GRID2: variants seen among roughly 807,000 people sequenced by gnomAD.
GRID2 encodes the protein glutamate ionotropic receptor delta type subunit 2.
In GRID2, 33 loss-of-function variants were observed where a neutral mutation model predicts 114.8. The ratio of observed to expected loss-of-function variants is 0.29; its 90% CI spans 0.22 to 0.38. The LOEUF is 0.38. GRID2 is among the 10% of genes least tolerant of loss of function. GRID2 has a pLI of 1.00. For synonymous variants in GRID2, 505 were observed against 449.9 expected, an observed-to-expected ratio of 1.12 and a Z score of -1.55; for missense variants, 1,184 against 1,257.7, an observed-to-expected ratio of 0.94 and a Z score of 0.89.
intron 10 of GRID2, among the ~76,000 whole-genome samples, chr4:93,443,899 T>C (rs1284783731): frequency 6.6e-6 from 1 of 151,192 alleles, no homozygotes; most frequent in East Asian, 2.0e-4. Flanking sequence ...AGCAAGTAAG[T>C]TGAGAGAGAG....
At chr4:92,992,109 C>A (rs949573105) in intron 2 of GRID2, among the ~76,000 whole-genome samples, 11 of 152,082 alleles carry the variant, frequency 7.2e-5, no homozygotes, top group Non-Finnish European at 1.6e-4. Flanking sequence ...TAGAAGAAGG[C>A]AAACCCAGTT....
At chr4:93,052,780 C>T in intron 2 of GRID2, among the ~76,000 whole-genome samples, 1 of 151,950 alleles carries the variant, frequency 6.6e-6, no homozygotes, top group Middle Eastern at 3.4e-3. Context: ...CTTGGCAGCC[C>T]TCATCAGATA....
At chr4:92,686,411 A>G (rs1370779039) in intron 2 of GRID2, among the ~76,000 whole-genome samples, 1 of 152,070 alleles carries the variant, frequency 6.6e-6, no homozygotes, top group African/African-American at 2.4e-5. Flanking sequence ...CTTAGTAGAC[A>G]TTTTTATATA....
chr4:93,770,360 C>T (rs1734010175), intron 15 of GRID2, among the ~76,000 whole-genome samples: 2 of 152,326 alleles, frequency 1.3e-5, no homozygotes, highest in East Asian at 1.9e-4. Flanking sequence ...GGCTGACTAA[C>T]TGATGCCTGA....
At chr4:93,581,871 T>C (rs1249838505) in intron 13 of GRID2, among the ~76,000 whole-genome samples, 2 of 152,180 alleles carry the variant, frequency 1.3e-5, no homozygotes, top group Non-Finnish European at 2.9e-5. Context: ...GAACTCCTGT[T>C]TTTAAAGAGA....
At chr4:92,643,166 A>G (rs367924375) in intron 2 of GRID2, among the ~76,000 whole-genome samples, 1 of 151,802 alleles carries the variant, frequency 6.6e-6, no homozygotes, top group Non-Finnish European at 1.5e-5. Flanking sequence ...TAGGTATAAC[A>G]TTGAATATGT....
chr4:92,956,018 C>G (rs1395718819), intron 2 of GRID2, among the ~76,000 whole-genome samples: 4 of 152,144 alleles, frequency 2.6e-5, no homozygotes, highest in Non-Finnish European at 4.4e-5. Context: ...TGCGCCTGGA[C>G]TTTCTGGAGC....
intron 1 of GRID2, among the ~76,000 whole-genome samples, chr4:92,440,498 G>A (rs1231753350): frequency 6.6e-6 from 1 of 152,022 alleles, no homozygotes; most frequent in East Asian, 1.9e-4. Context: ...GTCCTGGGTG[G>A]GGCAAATCCT....
intron 8 of GRID2, among the ~76,000 whole-genome samples, chr4:93,348,128 A>G (rs868776764): frequency 1.1e-4 from 16 of 152,274 alleles, no homozygotes; most frequent in Middle Eastern, 3.4e-3. Flanking sequence ...GAAGACTGGC[A>G]TTTTGGCTGT....
At chr4:92,514,872 T>C (rs77139183) in intron 1 of GRID2, among the ~76,000 whole-genome samples, 2,742 of 151,952 alleles carry the variant, frequency 0.018, 92 homozygotes, top group African/African-American at 0.063. Context: ...GCAGCCATGC[T>C]CTAAGTTGGT....
chr4:92,474,443 C>T lies in GRID2; in HGVS notation c.89-115688C>T, dbSNP rs146667618. On this transcript the variant is annotated intron_variant, in intron 1 of 15. Transcript: ENST00000282020. ...ACTGATGAACACAAGGTTGATTCCA[C>T]ATTTTAGGTATTGTGAATAAAGCTG... Among the ~76,000 whole-genome samples the T allele has an allele frequency of 6.3e-4, 96 of 152,200 alleles. 1 individual carries two copies. The highest frequency in any genetic ancestry group is 1.2e-3 in the Non-Finnish European group (83 of 67,968).
intron 2 of GRID2, among the ~76,000 whole-genome samples, chr4:92,638,190 C>T (rs1457296148): frequency 6.6e-6 from 1 of 151,510 alleles, no homozygotes; most frequent in Non-Finnish European, 1.5e-5. Flanking sequence ...TTTAAAATCT[C>T]TTAAAATAAA....
intron 3 of GRID2, among the ~76,000 whole-genome samples, chr4:93,103,912 A>ATT (rs1388883648): frequency 1.5e-5 from 2 of 133,324 alleles, no homozygotes; most frequent in Non-Finnish European, 3.3e-5. Flanking sequence ...AAAAATCTTC[A>ATT]TTTTTTTTTT....
At chr4:93,264,298 T>C (rs1442296294) in intron 8 of GRID2, among the ~76,000 whole-genome samples, 1 of 152,170 alleles carries the variant, frequency 6.6e-6, no homozygotes, top group African/African-American at 2.4e-5. Context: ...AAAGGAATGG[T>C]TTTGTCATTT....
chr4:92,623,339 C>A (rs913936495), intron 2 of GRID2, among the ~76,000 whole-genome samples: 1 of 150,434 alleles, frequency 6.6e-6, no homozygotes, highest in Admixed American at 6.6e-5. Flanking sequence ...TCAGTGTAAC[C>A]CTGCGACACA....
intron 1 of GRID2, among the ~76,000 whole-genome samples, chr4:92,460,109 C>T (rs532797494): frequency 2.2e-5 from 3 of 134,938 alleles, no homozygotes; most frequent in Non-Finnish European, 4.7e-5. Context: ...ATATATGCTT[C>T]AGGGCCCAGA....
intron 14 of GRID2, among the ~76,000 whole-genome samples, chr4:93,734,469 T>C (rs927716641): frequency 3.9e-5 from 6 of 152,034 alleles, no homozygotes; most frequent in African/African-American, 1.4e-4. Flanking sequence ...AATCAAAAGT[T>C]ACAAAATTTC....
At chr4:93,336,873 A>G (rs1447228574) in intron 8 of GRID2, among the ~76,000 whole-genome samples, 1 of 151,876 alleles carries the variant, frequency 6.6e-6, no homozygotes, top group Non-Finnish European at 1.5e-5. Flanking sequence ...CTTTATTTTT[A>G]TTTATAGTTG....
intron 14 of GRID2, among the ~76,000 whole-genome samples, chr4:93,709,943 T>A (rs1728341439): frequency 6.6e-6 from 1 of 152,204 alleles, no homozygotes; most frequent in South Asian, 2.1e-4. Context: ...CTTTGTTAAA[T>A]TTATCTGATA....
Sources: gnomAD v4.1 joint callset for allele counts (sites outside exome capture counted in the v4.1 genomes callset) on GRCh38, gnomAD v4.1.1 for gene constraint, MANE v1.5 for transcripts, NCBI Gene and HGNC (gene_info 2026-07-23, HGNC 2026-07-21) for gene names.